The following GRB14 variants were observed in gnomAD, a reference collection of about 807,000 sequenced individuals.
The protein encoded by GRB14 is growth factor receptor-bound protein 14.
In GRB14, 38 loss-of-function variants were observed where a neutral mutation model predicts 69.1. The observed-to-expected ratio is 0.55, with a 90% CI of 0.42 to 0.72. The LOEUF is 0.72. Among genes scored for constraint, GRB14 ranks in the 30% least tolerant of loss-of-function variants. GRB14 has a pLI of 0.00. For synonymous variants in GRB14, 247 were observed against 241.3 expected (o/e 1.02, Z -0.22); for missense variants, 666 against 666.1 (o/e 1.00, Z 0.00).
In GRB14 at chr2:164,522,068, G is replaced by A. The variant is rs912094699; in HGVS notation, c.728C>T (p.Ala243Val). 55 of 1,599,486 alleles carry A rather than the reference G, an allele frequency of 3.4e-5. 1 individual carries two copies. The highest frequency in any genetic ancestry group is 6.7e-5 in the East Asian group (3 of 44,644). The change falls in exon 6 of 14, where the codon GCG becomes GTG. Residue 243 changes from alanine (A) to valine (V), a missense_variant. Physicochemically the swap from Ala to Val is moderately conservative, Grantham distance 64. Coordinates refer to ENST00000263915, the MANE Select transcript of GRB14 (RefSeq NM_004490.3). ...CCAAGACTTCTTTCCCTGTTCTTTC[G>A]CATGTAAGAAACCATGAATTTCAGG... is the stretch of plus-strand genomic sequence containing the variant. ...TYPEIHGFLH[A>V]KEQGKKSWKK...
intron 2 of GRB14, among the ~76,000 whole-genome samples, chr2:164,618,648 A>G (rs1217323462): frequency 6.6e-6 from 1 of 152,138 alleles, no homozygotes; most frequent in Admixed American, 6.5e-5. Flanking sequence ...TCCATCAAAC[A>G]TATTTCCTAC....
chr2:164,610,884 A>C (rs1341869767), intron 2 of GRB14, among the ~76,000 whole-genome samples: 2 of 146,696 alleles, frequency 1.4e-5, no homozygotes, highest in Middle Eastern at 3.4e-3. Context: ...TAAAAAAAAA[A>C]AAAAAACAGG....
At chr2:164,515,199 A>C (rs1687449059) in intron 6 of GRB14, among the ~76,000 whole-genome samples, 1 of 152,104 alleles carries the variant, frequency 6.6e-6, no homozygotes, top group South Asian at 2.1e-4. Context: ...TCCTCCTTGT[A>C]CTACTGCAGC....
In GRB14 at chr2:164,493,572, T is replaced by A. The variant is rs576921997; in HGVS notation, c.1477-390A>T. Among the ~76,000 whole-genome samples, 7 of 152,298 alleles carry A rather than the reference T, an allele frequency of 4.6e-5. No homozygotes were observed. The East Asian group carries it at 1.3e-3, about 29-fold the overall frequency. On this transcript the variant is annotated intron_variant, in intron 13 of 13. Transcript: ENST00000263915. ...GTCTACTTAGCCACAAAAATGAATATTTACATAATTTTATGAGATTTATTC... is the reference window on the plus strand; with the variant it reads ...GTCTACTTAGCCACAAAAATGAATAATTACATAATTTTATGAGATTTATTC...
intron 2 of GRB14, among the ~76,000 whole-genome samples, chr2:164,611,604 C>T (rs902889635): frequency 3.3e-5 from 5 of 150,798 alleles, no homozygotes; most frequent in African/African-American, 1.2e-4. Flanking sequence ...CATCTTATCT[C>T]GTATCCTTAT....
chr2:164,581,720 G>A (rs4423615), intron 2 of GRB14, among the ~76,000 whole-genome samples: 73,151 of 151,944 alleles, frequency 0.48, 18,963 homozygotes, highest in Non-Finnish European at 0.57. Context: ...AGCAGCAAGG[G>A]GAAATAATAT....
At chr2:164,516,088 G>A (rs535834862) in intron 6 of GRB14, among the ~76,000 whole-genome samples, 6 of 151,838 alleles carry the variant, frequency 4.0e-5, no homozygotes, top group Admixed American at 6.6e-5. Flanking sequence ...CCAAACCTAA[G>A]AAGAACTGGT....
rs569661033 is a variant in GRB14, at chr2:164,557,567, C to A, written c.325-9751G>T. Among the ~76,000 whole-genome samples, 3 of 152,194 alleles carry A rather than the reference C, an allele frequency of 2.0e-5. No individual in the cohort carries two copies. In the East Asian group the frequency reaches 5.8e-4, roughly 29 times the overall value. On this transcript the variant is annotated intron_variant, in intron 2 of 13. Transcript: ENST00000263915. ...TACAATAACAGAAAGTCATTCCTAC[C>A]TACAATGGGTTAGCCAGATTGAGGT...
intron 2 of GRB14, among the ~76,000 whole-genome samples, chr2:164,592,754 C>G (rs762918002): frequency 6.6e-6 from 1 of 152,226 alleles, no homozygotes; most frequent in Non-Finnish European, 1.5e-5. Flanking sequence ...GTAAAGCACT[C>G]TATCATACCA....
intron 2 of GRB14, among the ~76,000 whole-genome samples, chr2:164,560,046 T>A (rs1272563210): frequency 2.0e-5 from 3 of 152,134 alleles, no homozygotes; most frequent in Non-Finnish European, 4.4e-5. Flanking sequence ...ATTTCACAAA[T>A]GAAAAAGCTG....
intron 5 of GRB14, among the ~76,000 whole-genome samples, chr2:164,524,230 T>C (rs943744073): frequency 2.6e-5 from 4 of 152,034 alleles, no homozygotes; most frequent in African/African-American, 9.7e-5. Context: ...TGGGGATGCA[T>C]GGGGCTGAGC....
chr2:164,599,509 G>A (rs894811900), intron 2 of GRB14, among the ~76,000 whole-genome samples: 22 of 152,146 alleles, frequency 1.4e-4, no homozygotes, highest in African/African-American at 5.1e-4. Flanking sequence ...AGGAACAGTC[G>A]CTACCTTCAG....
chr2:164,564,264 T>C (rs548500894), intron 2 of GRB14, among the ~76,000 whole-genome samples: 198 of 152,234 alleles, frequency 1.3e-3, no homozygotes, highest in African/African-American at 4.6e-3. Flanking sequence ...AGGCAAACGA[T>C]ATGCTGCAGT....
intron 2 of GRB14, among the ~76,000 whole-genome samples, chr2:164,610,331 A>G (rs972544813): frequency 2.6e-5 from 4 of 152,194 alleles, no homozygotes; most frequent in Non-Finnish European, 5.9e-5. Context: ...AACACACAGT[A>G]AACTTAAAGA....
At chr2:164,520,931 C>T (rs1687618307) in intron 6 of GRB14, among the ~76,000 whole-genome samples, 1 of 152,092 alleles carries the variant, frequency 6.6e-6, no homozygotes, top group African/African-American at 2.4e-5. Context: ...ACTAGTACAA[C>T]CACTTTGGAA....
chr2:164,540,769 A>G (rs1038769172), intron 3 of GRB14, among the ~76,000 whole-genome samples: 1 of 152,180 alleles, frequency 6.6e-6, no homozygotes, highest in Non-Finnish European at 1.5e-5. Context: ...GCAAACTCAC[A>G]AGGGCAATAC....
At chr2:164,550,968 G>A (rs1178888418) in intron 2 of GRB14, among the ~76,000 whole-genome samples, 2 of 152,108 alleles carry the variant, frequency 1.3e-5, no homozygotes, top group African/African-American at 2.4e-5. Context: ...CTTCAGCTCA[G>A]TGACAGTTTG....
intron 6 of GRB14, among the ~76,000 whole-genome samples, chr2:164,519,059 A>C (rs768778099): frequency 6.6e-6 from 1 of 152,182 alleles, no homozygotes; most frequent in Admixed American, 6.5e-5. Flanking sequence ...CCAGGAAAGG[A>C]CACAACAAAA....
At chr2:164,596,982 A>G (rs1198109255) in intron 2 of GRB14, among the ~76,000 whole-genome samples, 1 of 152,190 alleles carries the variant, frequency 6.6e-6, no homozygotes, top group Admixed American at 6.5e-5. Context: ...TATTTAATCT[A>G]ACTCTAAGGA....
Sources: gnomAD v4.1 joint callset for allele counts (sites outside exome capture counted in the v4.1 genomes callset) on GRCh38, gnomAD v4.1.1 for gene constraint, MANE v1.5 for transcripts, NCBI Gene and HGNC (gene_info 2026-07-23, HGNC 2026-07-21) for gene names.